GABRB1: variants seen among roughly 807,000 people sequenced by gnomAD.
The protein encoded by GABRB1 is gamma-aminobutyric acid type A receptor subunit beta1, also known as gamma-aminobutyric acid receptor subunit beta-1.
GABRB1 carries 17 observed loss-of-function variants against 51.6 expected under a neutral mutation model. The ratio of observed to expected loss-of-function variants is 0.33; its 90% CI spans 0.23 to 0.49. GABRB1 has a LOEUF of 0.49. Ranked by LOEUF, GABRB1 falls within the 20% of genes least tolerant of loss-of-function variation. The probability of loss-of-function intolerance (pLI) is 0.99; values close to 1 mark genes in which losing one functional copy is unlikely to be tolerated. For missense variants in GABRB1, 410 were observed against 600.6 expected (o/e 0.68, Z 3.32); for synonymous variants, 247 against 218.9 (o/e 1.13, Z -1.14).
At chr4:47,282,700 C>G (rs1282915118) in intron 4 of GABRB1, among the ~76,000 whole-genome samples, 1 of 152,142 alleles carries the variant, frequency 6.6e-6, no homozygotes, top group Non-Finnish European at 1.5e-5. Flanking sequence ...AAAGAAAAAT[C>G]TTTTCAGTGT....
chr4:47,260,554 T>A (rs565055156), intron 4 of GABRB1, among the ~76,000 whole-genome samples: 8 of 152,288 alleles, frequency 5.3e-5, no homozygotes, highest in African/African-American at 1.7e-4. Context: ...TTTGATTGTC[T>A]GTAAAGTATT....
chr4:47,294,533 G>C (rs1311663452), intron 4 of GABRB1, among the ~76,000 whole-genome samples: 2 of 152,252 alleles, frequency 1.3e-5, no homozygotes, highest in African/African-American at 4.8e-5. Context: ...CAAACTGCAA[G>C]GTGGCAGCGA....
chr4:47,008,671 G>C (rs1457610243), intron 1 of GABRB1, among the ~76,000 whole-genome samples: 26 of 141,078 alleles, frequency 1.8e-4, no homozygotes, highest in African/African-American at 6.9e-4. Context: ...TAGAGACGAG[G>C]TTTCACCATG....
intron 3 of GABRB1, among the ~76,000 whole-genome samples, chr4:47,155,287 C>G (rs1322131457): frequency 6.6e-6 from 1 of 152,064 alleles, no homozygotes; most frequent in Non-Finnish European, 1.5e-5. Flanking sequence ...GATCTCAGAG[C>G]TCAGCTAAAC....
intron 4 of GABRB1, among the ~76,000 whole-genome samples, chr4:47,198,973 C>G (rs1252612320): frequency 6.6e-6 from 1 of 152,160 alleles, no homozygotes; most frequent in Admixed American, 6.5e-5. Context: ...ATCATGAGAA[C>G]AGCATGGAGG....
At chr4:47,070,198 G>C (rs1473218360) in intron 3 of GABRB1, among the ~76,000 whole-genome samples, 1 of 151,972 alleles carries the variant, frequency 6.6e-6, no homozygotes, top group Non-Finnish European at 1.5e-5. Flanking sequence ...ACCATGCCCA[G>C]CTAATTTTTG....
At chr4:47,269,582 A>G (rs1722773866) in intron 4 of GABRB1, among the ~76,000 whole-genome samples, 1 of 152,146 alleles carries the variant, frequency 6.6e-6, no homozygotes, top group Admixed American at 6.6e-5. Flanking sequence ...AGATTACCTT[A>G]TAGCCAGATG....
At chr4:47,182,438 C>G (rs927554353) in intron 4 of GABRB1, among the ~76,000 whole-genome samples, 25 of 151,802 alleles carry the variant, frequency 1.6e-4, no homozygotes, top group Middle Eastern at 3.4e-3. Flanking sequence ...TCATGTTTAC[C>G]AAGTGGTAGA....
intron 3 of GABRB1, among the ~76,000 whole-genome samples, chr4:47,098,133 A>G (rs1268428154): frequency 3.3e-5 from 5 of 149,380 alleles, no homozygotes; most frequent in African/African-American, 1.3e-4. Flanking sequence ...GGTTCCCTGG[A>G]AAGTAGTTTT....
At position 47,393,522 on chromosome 4, in the gene GABRB1, T is replaced by A. The variant is rs183177612; in HGVS notation, c.545-9796T>A. ...AATTACCTTACTCTTCTTGGCCCAGTTTTTTCTTTGCATACTGAAATTGTT... is the reference window on the plus strand; with the variant it reads ...AATTACCTTACTCTTCTTGGCCCAGATTTTTCTTTGCATACTGAAATTGTT... On this transcript the variant is annotated intron_variant, in intron 5 of 8. Transcript: ENST00000295454. Among the ~76,000 whole-genome samples, 250 of 152,272 alleles carry A rather than the reference T, an allele frequency of 1.6e-3. 1 individual carries two copies. Among genetic ancestry groups the A allele is most frequent in the African/African-American group, 5.7e-3 (238 of 41,556 alleles).
At chr4:47,328,714 C>T (rs1170638376) in intron 5 of GABRB1, among the ~76,000 whole-genome samples, 1 of 151,102 alleles carries the variant, frequency 6.6e-6, no homozygotes, top group Non-Finnish European at 1.5e-5. Context: ...GGGAATGGAA[C>T]AATGAGAACA....
At chr4:47,159,550 C>T (rs1542097) in intron 3 of GABRB1, among the ~76,000 whole-genome samples, 129,124 of 151,552 alleles carry the variant, frequency 0.85, 55,026 homozygotes, top group African/African-American at 0.9. Context: ...AAGGAGGTTT[C>T]ATATCTTTAG....
intron 1 of GABRB1, among the ~76,000 whole-genome samples, chr4:47,020,019 C>T (rs906281059): frequency 1.3e-5 from 2 of 151,848 alleles, no homozygotes; most frequent in Admixed American, 6.6e-5. Flanking sequence ...CTCTTGGACT[C>T]AAGCAATCTA....
At chr4:47,338,387 A>G (rs957713165) in intron 5 of GABRB1, among the ~76,000 whole-genome samples, 1 of 152,260 alleles carries the variant, frequency 6.6e-6, no homozygotes, top group African/African-American at 2.4e-5. Flanking sequence ...TTCCCAAAGT[A>G]GCATTTTTAC....
chr4:47,392,916 C>T (rs1728053632), intron 5 of GABRB1, among the ~76,000 whole-genome samples: 1 of 152,190 alleles, frequency 6.6e-6, no homozygotes, highest in Non-Finnish European at 1.5e-5. Flanking sequence ...AGAAGTCCAT[C>T]TAGCTAGTTT....
intron 4 of GABRB1, among the ~76,000 whole-genome samples, chr4:47,192,985 A>T (rs1719505003): frequency 6.6e-6 from 1 of 152,368 alleles, no homozygotes; most frequent in South Asian, 2.1e-4. Context: ...TAAAGCTAAG[A>T]ATTCAAACTG....
chr4:47,166,353 G>A (rs1288871394), intron 4 of GABRB1, among the ~76,000 whole-genome samples: 1 of 151,810 alleles, frequency 6.6e-6, no homozygotes, highest in East Asian at 1.9e-4. Context: ...CCACCCCTGA[G>A]ACAGCAAGAA....
chr4:47,320,242 G>T, intron 5 of GABRB1, 33 bp downstream of exon 5: 2 of 1,352,412 alleles, frequency 1.5e-6, no homozygotes, highest in South Asian at 1.2e-5. Flanking sequence ...TGAAAAAGAG[G>T]GATTCTTCCT....
chr4:47,303,820 C>A (rs1353730822), intron 4 of GABRB1, among the ~76,000 whole-genome samples: 1 of 151,934 alleles, frequency 6.6e-6, no homozygotes, highest in African/African-American at 2.4e-5. Context: ...CTCTAATACC[C>A]TTTCCCCACC....
Sources: allele counts gnomAD v4.1 joint callset (sites outside exome capture counted in the v4.1 genomes callset), GRCh38; gene constraint gnomAD v4.1.1; transcripts MANE v1.5; gene names NCBI Gene and HGNC (gene_info 2026-07-23, HGNC 2026-07-21).